The following MTUS2 variants were observed in gnomAD, a reference collection of about 807,000 sequenced individuals.
MTUS2 encodes microtubule associated scaffold protein 2, also known as microtubule-associated tumor suppressor candidate 2.
MTUS2 carries 40 observed loss-of-function variants against 114.1 expected under a neutral mutation model. The observed-to-expected ratio is 0.35, with a 90% CI of 0.27 to 0.46. The LOEUF (loss-of-function observed/expected upper bound fraction) is 0.46, where lower values mean the gene tolerates loss of function less well. MTUS2 is among the 20% of genes least tolerant of loss of function. MTUS2 has a pLI of 1.00. For missense variants in MTUS2, 1,679 were observed against 1,705.4 expected (o/e 0.98, Z 0.27); for synonymous variants, 688 against 672.0 (o/e 1.02, Z -0.37).
intron 2 of MTUS2, among the ~76,000 whole-genome samples, chr13:28,975,979 TG>T (rs1884077153): frequency 1.3e-5 from 2 of 151,982 alleles, no homozygotes; most frequent in South Asian, 4.2e-4. Flanking sequence ...GAAAGGTCAT[TG>T]TCCATTCTGA....
At chr13:29,354,009 G>A (rs9579356) in intron 7 of MTUS2, among the ~76,000 whole-genome samples, 28,478 of 152,010 alleles carry the variant, frequency 0.19, 2,762 homozygotes, top group Middle Eastern at 0.23. Context: ...TACCTTGTAC[G>A]CACTAACTCC....
At chr13:29,386,847 T>A (rs1263853190) in intron 8 of MTUS2, among the ~76,000 whole-genome samples, 1 of 152,188 alleles carries the variant, frequency 6.6e-6, no homozygotes, top group East Asian at 1.9e-4. Context: ...AGGTCAGAGC[T>A]GAGTTGGGAG....
chr13:29,332,479 C>G lies in MTUS2; in HGVS notation c.2905+7768C>G, dbSNP rs1900829340. Among the ~76,000 whole-genome samples the G allele has an allele frequency of 2.0e-5, 3 of 151,748 alleles. No individual in the cohort carries two copies. The South Asian group carries it at 6.2e-4, about 32-fold the overall frequency. ...TTTATTAGTCTGGCTAGTGGTCTAT[C>G]TAATTTGTTAATCTTTTCAAAAAAC... On this transcript the variant is annotated intron_variant, in intron 7 of 15. Transcript: ENST00000612955.
intron 1 of MTUS2, among the ~76,000 whole-genome samples, chr13:28,836,135 A>G (rs1042068580): frequency 4.6e-5 from 7 of 152,198 alleles, no homozygotes; most frequent in Non-Finnish European, 8.8e-5. Flanking sequence ...AAAAAGAAAC[A>G]TGGAATTTAA....
Position 28,952,125 on chromosome 13 carries a change from T to C in MTUS2, c.-242-72332T>C, listed in dbSNP as rs993129593. Among the ~76,000 whole-genome samples, 7 of 152,242 alleles carry C rather than the reference T, an allele frequency of 4.6e-5. 1 individual carries two copies. The highest frequency in any genetic ancestry group is 1.0e-4 in the Non-Finnish European group (7 of 68,048). ...TTCTCCTTTTCTAAAAAAGAAAATT[T>C]CTTTATTTGATACTTTTAGTTACGG... On this transcript the variant is annotated intron_variant, in intron 2 of 15. Transcript: ENST00000612955.
chr13:28,900,157 G>T (rs1349075013), intron 2 of MTUS2, among the ~76,000 whole-genome samples: 1 of 152,254 alleles, frequency 6.6e-6, no homozygotes, highest in East Asian at 1.9e-4. Flanking sequence ...CAAAGTGCTA[G>T]AATTACAGGC....
At chr13:29,494,461 C>T (rs1034798670) in intron 12 of MTUS2, among the ~76,000 whole-genome samples, 26 of 151,826 alleles carry the variant, frequency 1.7e-4, no homozygotes, top group African/African-American at 6.3e-4. Context: ...GTTGTAATTG[C>T]CTGACGAGTT....
chr13:29,159,574 A>G (rs921555673), intron 5 of MTUS2, among the ~76,000 whole-genome samples: 1 of 152,184 alleles, frequency 6.6e-6, no homozygotes, highest in Non-Finnish European at 1.5e-5. Flanking sequence ...TGAGCCACAG[A>G]CTAATAGAAG....
At chr13:28,909,116 G>C (rs1416149708) in intron 2 of MTUS2, among the ~76,000 whole-genome samples, 1 of 151,548 alleles carries the variant, frequency 6.6e-6, no homozygotes, top group Non-Finnish European at 1.5e-5. Flanking sequence ...TTTGAAGTCA[G>C]GTAGCGTGAT....
chr13:29,211,460 C>T (rs1302107476), intron 5 of MTUS2, among the ~76,000 whole-genome samples: 4 of 152,296 alleles, frequency 2.6e-5, no homozygotes, highest in Non-Finnish European at 5.9e-5. Context: ...ATCACCTCCT[C>T]TCCAGACTCT....
chr13:28,936,534 G>T (rs1175518143), intron 2 of MTUS2, among the ~76,000 whole-genome samples: 2 of 152,104 alleles, frequency 1.3e-5, no homozygotes, highest in African/African-American at 4.8e-5. Context: ...ATGGGACTGA[G>T]TGTCTGGTGT....
chr13:29,114,373 C>G (rs1461855981), intron 5 of MTUS2, among the ~76,000 whole-genome samples: 1 of 152,112 alleles, frequency 6.6e-6, no homozygotes, highest in Non-Finnish European at 1.5e-5. Context: ...GATCAGAAGA[C>G]TAGTTCATAG....
At chr13:29,212,805 C>A (rs1205544598) in intron 5 of MTUS2, among the ~76,000 whole-genome samples, 2 of 152,244 alleles carry the variant, frequency 1.3e-5, no homozygotes, top group African/African-American at 4.8e-5. Context: ...GATGCATTCA[C>A]CAACCCAGAA....
chr13:28,958,050 A>C (rs960547488), intron 2 of MTUS2, among the ~76,000 whole-genome samples: 43 of 152,360 alleles, frequency 2.8e-4, no homozygotes, highest in Non-Finnish European at 3.4e-4. Flanking sequence ...TGAAATGAAC[A>C]GGTGCTGCAA....
At chr13:29,004,910 A>C (rs1387997032) in intron 2 of MTUS2, among the ~76,000 whole-genome samples, 1 of 152,166 alleles carries the variant, frequency 6.6e-6, no homozygotes, top group Non-Finnish European at 1.5e-5. Context: ...GAAGGGAATA[A>C]ATAAAATGCA....
intron 8 of MTUS2, among the ~76,000 whole-genome samples, chr13:29,420,883 A>AG (rs1175696401): frequency 5.9e-5 from 9 of 152,216 alleles, no homozygotes; most frequent in Admixed American, 5.9e-4. Context: ...CTGACTTAAA[A>AG]GGGAAAAAAA....
intron 1 of MTUS2, among the ~76,000 whole-genome samples, chr13:28,825,687 C>T (rs1025239186): frequency 6.6e-6 from 1 of 152,128 alleles, no homozygotes; most frequent in Non-Finnish European, 1.5e-5. Context: ...TTAGTTACAG[C>T]CTTTCTATAC....
intron 5 of MTUS2, among the ~76,000 whole-genome samples, chr13:29,135,267 G>A (rs1200128289): frequency 6.6e-6 from 1 of 152,176 alleles, no homozygotes; most frequent in African/African-American, 2.4e-5. Flanking sequence ...CCACAAATAA[G>A]GGGGGACTAC....
Position 29,161,209 on chromosome 13 carries a change from A to G in MTUS2, c.2644+60239A>G, listed in dbSNP as rs139385274. On this transcript the variant is annotated intron_variant, in intron 5 of 15. Transcript: ENST00000612955. ...TTAGGTAAAAACAGGGAAATTAAACAAGATCAGCAGATTGTATCAATGTCT... is the reference window on the plus strand; with the variant it reads ...TTAGGTAAAAACAGGGAAATTAAACGAGATCAGCAGATTGTATCAATGTCT... Among the ~76,000 whole-genome samples, 159 of 152,338 alleles carry G rather than the reference A, an allele frequency of 1.0e-3. 1 individual carries two copies. The highest frequency in any genetic ancestry group is 3.5e-3 in the African/African-American group (144 of 41,562).
Sources: allele counts gnomAD v4.1 joint callset (sites outside exome capture counted in the v4.1 genomes callset), GRCh38; gene constraint gnomAD v4.1.1; transcripts MANE v1.5; gene names NCBI Gene and HGNC (gene_info 2026-07-23, HGNC 2026-07-21).